The following PARD3B variants were observed in gnomAD, a reference collection of about 807,000 sequenced individuals.
The protein encoded by PARD3B is par-3 family cell polarity regulator beta.
PARD3B carries 103 observed loss-of-function variants against 130.2 expected under a neutral mutation model. The observed-to-expected ratio is 0.79, with a 90% CI of 0.67 to 0.93. The LOEUF (loss-of-function observed/expected upper bound fraction) is 0.93. Ranked by LOEUF, PARD3B falls within the 40% of genes least tolerant of loss-of-function variation. The pLI is 0.00. For missense variants in PARD3B, 1,609 were observed against 1,499.2 expected (o/e 1.07, Z -1.21); for synonymous variants, 583 against 553.2 (o/e 1.05, Z -0.76).
chr2:205,593,307 T>C (rs904947685), intron 22 of PARD3B, among the ~76,000 whole-genome samples: 3 of 152,236 alleles, frequency 2.0e-5, no homozygotes, highest in Non-Finnish European at 4.4e-5. Flanking sequence ...GTTATTATTG[T>C]TTAAATGGTG....
At chr2:204,779,367 G>A (rs2041757729) in intron 2 of PARD3B, among the ~76,000 whole-genome samples, 1 of 152,116 alleles carries the variant, frequency 6.6e-6, no homozygotes, top group South Asian at 2.1e-4. Context: ...GATGAATAGT[G>A]GCTTTAACAG....
intron 1 of PARD3B, among the ~76,000 whole-genome samples, chr2:204,659,519 G>A (rs1260861233): frequency 1.3e-5 from 2 of 152,108 alleles, no homozygotes; most frequent in Non-Finnish European, 2.9e-5. Context: ...TGTGAGTTGT[G>A]TATATAGCAT....
At chr2:205,203,340 T>A (rs10210703) in intron 15 of PARD3B, among the ~76,000 whole-genome samples, 111,304 of 151,614 alleles carry the variant, frequency 0.73, 41,387 homozygotes, top group African/African-American at 0.85. Flanking sequence ...TTTCTTCTTT[T>A]TATTTTGTAC....
Position 204,606,935 on chromosome 2 carries a change from C to T in PARD3B, c.120+60816C>T, listed in dbSNP as rs1284177967. Among the ~76,000 whole-genome samples, 1 of 152,056 alleles carries T rather than the reference C, an allele frequency of 6.6e-6. No homozygotes were observed. The highest frequency in any genetic ancestry group is 6.6e-5 in the Admixed American group (1 of 15,252). On this transcript the variant is annotated intron_variant, in intron 1 of 22. Transcript: ENST00000406610. The surrounding 1 kb of genome is among the most constrained non-coding windows in gnomAD (Gnocchi z 4.0). ...ATCCCGTATCTTTTTCATATATTTACCTTTAAAGAAAGACATTGTTTTCTT... is the reference window on the plus strand; with the variant it reads ...ATCCCGTATCTTTTTCATATATTTATCTTTAAAGAAAGACATTGTTTTCTT...
chr2:204,872,373 G>A (rs1205214780), intron 2 of PARD3B, among the ~76,000 whole-genome samples: 2 of 152,166 alleles, frequency 1.3e-5, no homozygotes, highest in East Asian at 1.9e-4. Context: ...TGCTTAAAAG[G>A]TTTTGGATAA....
chr2:205,616,096 A>C lies in PARD3B; in HGVS notation c.*283A>C, dbSNP rs1314949029. On this transcript the variant is annotated 3_prime_UTR_variant, in exon 23 of 23. Transcript: ENST00000406610. The stretch of plus-strand genomic sequence containing the variant: ...AGTTGTTCAAATCAGTGAGAGTGGC[A>C]ACGGAACACACAAACAACTAATTAT... 1 of 403,126 alleles carries C rather than the reference A, an allele frequency of 2.5e-6. No individual in the cohort carries two copies. Among genetic ancestry groups the C allele is most frequent in the African/African-American group, 2.0e-5 (1 of 49,248 alleles). The allele number at this position is 403,126 out of a possible 1,614,324, so 25.0% of individuals were successfully genotyped here. A position where few individuals can be genotyped will look rare whatever the true frequency, so the allele number is the denominator to read the frequency against.
In PARD3B at chr2:205,564,609, A is replaced by T. The variant is rs2053255081; in HGVS notation, c.3260+11206A>T. ...GACATGGCTGAGACGCAAATGCCAG[A>T]CAACTGCGGAAGCATCGCTTCTACT... is the stretch of plus-strand genomic sequence containing the variant. On this transcript the variant is annotated intron_variant, in intron 22 of 22. Coordinates refer to ENST00000406610, the MANE Select transcript of PARD3B (RefSeq NM_001302769.2). This position sits in a 1 kb window ranked among gnomAD's most constrained non-coding sequence, Gnocchi z 4.6. 6.6e-6 allele frequency among the ~76,000 whole-genome samples: 1 copy of T among 152,204 alleles called. No individual in the cohort carries two copies. Among genetic ancestry groups the T allele is most frequent in the African/African-American group, 2.4e-5 (1 of 41,464 alleles).
intron 18 of PARD3B, among the ~76,000 whole-genome samples, chr2:205,339,670 A>G (rs1049241454): frequency 6.6e-6 from 1 of 152,244 alleles, no homozygotes; most frequent in African/African-American, 2.4e-5. Flanking sequence ...GATGGAGTTC[A>G]TAATCACATG....
intron 1 of PARD3B, among the ~76,000 whole-genome samples, chr2:204,615,310 T>G (rs1193579213): frequency 6.6e-6 from 1 of 152,160 alleles, no homozygotes; most frequent in African/African-American, 2.4e-5. Flanking sequence ...TCAATGCTTT[T>G]CCTATTCTGT....
intron 1 of PARD3B, among the ~76,000 whole-genome samples, chr2:204,581,528 A>G (rs1450589768): frequency 6.6e-6 from 1 of 152,118 alleles, no homozygotes; most frequent in Non-Finnish European, 1.5e-5. Context: ...GAATTCTGAC[A>G]GAGAAGAGCA....
chr2:204,623,018 G>A lies in PARD3B; in HGVS notation c.121-63163G>A, dbSNP rs2034359351. Among the ~76,000 whole-genome samples the A allele has an allele frequency of 6.6e-6, 1 of 152,164 alleles. No homozygotes were observed. The highest frequency in any genetic ancestry group is 6.6e-5 in the Admixed American group (1 of 15,262). On this transcript the variant is annotated intron_variant, in intron 1 of 22. Coordinates refer to ENST00000406610, the MANE Select transcript of PARD3B (RefSeq NM_001302769.2). The surrounding 1 kb of genome is among the most constrained non-coding windows in gnomAD (Gnocchi z 4.5). ...CATTTGCTTAGGCAGTGCTTTGTCA[G>A]AGATGGCAGACTATAAATTGGATCT...
intron 20 of PARD3B, among the ~76,000 whole-genome samples, chr2:205,493,968 C>G (rs2049830493): frequency 6.6e-6 from 1 of 151,838 alleles, no homozygotes; most frequent in South Asian, 2.1e-4. Flanking sequence ...ACCATGTTGG[C>G]CAGGCTAGTC....
Position 205,021,240 on chromosome 2 carries a change from A to T in PARD3B, c.395-26341A>T, listed in dbSNP as rs1696575242. Among the ~76,000 whole-genome samples the T allele has an allele frequency of 1.3e-5, 2 of 152,196 alleles. No homozygotes were observed. On this transcript the variant is annotated intron_variant, in intron 3 of 22. Transcript: ENST00000406610. This position sits in a 1 kb window ranked among gnomAD's most constrained non-coding sequence, Gnocchi z 4.5. ...TATATAGTTTGGTAGAAATACATCCACACTGTATGAGTCTCAATTTTAAAA... is the reference window on the plus strand; with the variant it reads ...TATATAGTTTGGTAGAAATACATCCTCACTGTATGAGTCTCAATTTTAAAA...
chr2:205,573,463 A>G lies in PARD3B; in HGVS notation c.3260+20060A>G, dbSNP rs78924845. ...TTCTGGGCTCCAGAGCATGGTTCCA[A>G]TGGATGGCACATAGAGAACTCAAAG... On this transcript the variant is annotated intron_variant, in intron 22 of 22. Coordinates refer to ENST00000406610, the MANE Select transcript of PARD3B (RefSeq NM_001302769.2). 6.5e-3 allele frequency among the ~76,000 whole-genome samples: 997 copies of G among 152,290 alleles called. 7 individuals carry two copies. Among genetic ancestry groups the G allele is most frequent in the African/African-American group, 0.022 (919 of 41,568 alleles).
intron 2 of PARD3B, among the ~76,000 whole-genome samples, chr2:204,808,349 T>C (rs1288686286): frequency 6.6e-6 from 1 of 152,162 alleles, no homozygotes; most frequent in Non-Finnish European, 1.5e-5. Flanking sequence ...TTTTAACTTT[T>C]CTTTTAGATT....
intron 3 of PARD3B, among the ~76,000 whole-genome samples, chr2:205,019,077 T>G (rs987451208): frequency 6.6e-6 from 1 of 152,284 alleles, no homozygotes; most frequent in Admixed American, 6.5e-5. Flanking sequence ...TCATCAATTT[T>G]AGAACATTTG....
intron 1 of PARD3B, among the ~76,000 whole-genome samples, chr2:204,551,906 A>G (rs2125043464): frequency 6.6e-6 from 1 of 152,336 alleles, no homozygotes; most frequent in Non-Finnish European, 1.5e-5. Context: ...GAAAATCTAA[A>G]GCAGTGTAGT....
At chr2:205,459,070 T>G (rs2048365491) in intron 20 of PARD3B, among the ~76,000 whole-genome samples, 1 of 152,206 alleles carries the variant, frequency 6.6e-6, no homozygotes, top group Non-Finnish European at 1.5e-5. Flanking sequence ...TGTGAGAATG[T>G]CAGAATCTCT....
At position 204,737,057 on chromosome 2, in the gene PARD3B, C is replaced by T. The variant is rs149311815; in HGVS notation, c.222+50775C>T. On this transcript the variant is annotated intron_variant, in intron 2 of 22. Coordinates refer to ENST00000406610, the MANE Select transcript of PARD3B (RefSeq NM_001302769.2). ...TGCCTCTTGGGTTTAAGTGATTCTC[C>T]TGCTTCAGCCTCCCTAGTAGCTGGA... Among the ~76,000 whole-genome samples, 305 of 152,330 alleles carry T rather than the reference C, an allele frequency of 2.0e-3. 1 individual carries two copies. Among genetic ancestry groups the T allele is most frequent in the Non-Finnish European group, 3.4e-3 (233 of 68,018 alleles).
Sources: allele counts gnomAD v4.1 joint callset (sites outside exome capture counted in the v4.1 genomes callset), GRCh38; gene constraint gnomAD v4.1.1; non-coding constraint Gnocchi (gnomAD v3.1); transcripts MANE v1.5; gene names NCBI Gene and HGNC (gene_info 2026-07-23, HGNC 2026-07-21).